Variants in USP9X observed in about 807,000 individuals in gnomAD.
USP9X encodes the protein ubiquitin specific peptidase 9 X-linked.
Under a neutral mutation model 190.3 loss-of-function variants are expected in USP9X, and 7 were observed. That is an observed-to-expected ratio of 0.04 (90% confidence interval 0.02 to 0.07). The LOEUF (loss-of-function observed/expected upper bound fraction) is 0.07, where lower values mean the gene tolerates loss of function less well. USP9X is among the 10% of genes least tolerant of loss of function. USP9X has a pLI of 1.00. For synonymous variants in USP9X, 645 were observed against 659.5 expected (o/e 0.98, Z 0.34); for missense variants, 1,010 against 1,916.9 (o/e 0.53, Z 8.83).
At chrX:41,147,232 T>C (rs1488023317) in intron 11 of USP9X, among the ~76,000 whole-genome samples, 1 of 109,796 alleles carries the variant, frequency 9.1e-6, no homozygotes, top group Non-Finnish European at 1.9e-5. Flanking sequence ...TGCTTTTCCT[T>C]GAGGAGGAAT....
chrX:41,211,964 T>TCAA (rs1163739094), intron 33 of USP9X, among the ~76,000 whole-genome samples: 1 of 113,040 alleles, frequency 8.8e-6, no homozygotes, highest in African/African-American at 3.2e-5. Flanking sequence ...GGAGGTGTAC[T>TCAA]CAACAGCTCA....
Position 41,129,004 on chromosome X carries a change from C to T in USP9X, c.101C>T (p.Ser34Leu), listed in dbSNP as rs2062282917. The stretch of plus-strand genomic sequence containing the variant: ...AATGTTTAATTTTTAATTAAGACTT[C>T]ATCGCCTGATTCTTCCAATGAAAAT... Reference protein sequence around the residue: ...SQPPLQQNQTSSPDSSNENSP... With the variant: ...SQPPLQQNQTLSPDSSNENSP... The change falls in exon 3 of 45, where the codon TCA becomes TTA. Residue 34 changes from serine to leucine, a missense_variant. Physicochemically the swap from Ser to Leu is moderately radical, Grantham distance 145. Transcript: ENST00000378308. The T allele has an allele frequency of 8.3e-7, 1 of 1,209,639 alleles. No individual in the cohort carries two copies. The highest frequency in any genetic ancestry group is 1.8e-5 in the South Asian group (1 of 56,575).
At chrX:41,109,376 A>T (rs1337416917) in intron 1 of USP9X, among the ~76,000 whole-genome samples, 6 of 112,053 alleles carry the variant, frequency 5.4e-5, no homozygotes, top group Non-Finnish European at 7.5e-5. Context: ...GCTGAAGTTT[A>T]TATGTATGTA....
chrX:41,151,230 T>A (rs867658636), intron 13 of USP9X, among the ~76,000 whole-genome samples, 173 bp downstream of exon 13: 8 of 106,199 alleles, frequency 7.5e-5, no homozygotes, highest in African/African-American at 2.1e-4. Context: ...CCTTTTTTTT[T>A]ATTAATGAGG....
chrX:41,197,352 C>CCCCCCGGGGG lies in USP9X; in HGVS notation c.4234-12_4234-11insCCCCCGGGGG. 7 of 988,124 alleles carry CCCCCCGGGGG rather than the reference C, an allele frequency of 7.1e-6. No individual in the cohort carries two copies. The highest frequency in any genetic ancestry group is 9.2e-6 in the Non-Finnish European group (7 of 759,307). 81.4% of individuals were successfully genotyped at this position (988,124 alleles called of 1,213,427 possible). On this transcript the variant is annotated splice_polypyrimidine_tract_variant and intron_variant, in intron 28 of 44. Transcript: ENST00000378308. ...TTCTTCCCCCCCCCACCCCACCCCC[C>CCCCCCGGGGG]GCCTTTGGCAGGATGATGTTAAAAG...
chrX:41,152,814 TAAA>T, intron 13 of USP9X, 131 bp from the exon 14 acceptor site: 1 of 604,291 alleles, frequency 1.7e-6, no homozygotes, highest in Non-Finnish European at 2.4e-6. Flanking sequence ...ATATTTTCAT[TAAA>T]AGAAGTAAAT....
chrX:41,200,064 A>G (rs999852124), intron 30 of USP9X, among the ~76,000 whole-genome samples: 1 of 112,217 alleles, frequency 8.9e-6, no homozygotes, highest in Non-Finnish European at 1.9e-5. Context: ...GATTATAGTA[A>G]ATCTTTAAGA....
At chrX:41,115,447 A>G (rs763409417) in intron 1 of USP9X, among the ~76,000 whole-genome samples, 3 of 111,886 alleles carry the variant, frequency 2.7e-5, no homozygotes, top group Non-Finnish European at 5.6e-5. Flanking sequence ...GGAATAGGCA[A>G]AATTCACAAG....
rs2061904682 is a variant in USP9X, at chrX:41,085,766, AGCAGGAGGAGGT to A, written c.-500_-489del. On this transcript the variant is annotated 5_prime_UTR_variant, in exon 1 of 45. Transcript: ENST00000378308. ...GTGAAGCCGTCGCTGCAGGAGGAGG[AGCAGGAGGAGGT>A]GACGCAGGAGAAACGCACCGCCCGG... The A allele has an allele frequency of 6.7e-6, 2 of 297,478 alleles. No homozygotes were observed. Among genetic ancestry groups the A allele is most frequent in the East Asian group, 4.8e-5 (1 of 20,990 alleles). 24.5% of individuals were successfully genotyped at this position (297,478 alleles called of 1,213,427 possible). A position where few individuals can be genotyped will look rare whatever the true frequency, so the allele number is the denominator to read the frequency against.
At chrX:41,169,176 T>G (rs1431209238) in intron 18 of USP9X, among the ~76,000 whole-genome samples, 2 of 110,207 alleles carry the variant, frequency 1.8e-5, no homozygotes, top group Non-Finnish European at 3.8e-5. Context: ...GGTCTACCTA[T>G]GTTGTCGAGG....
rs1447332918 is a variant in USP9X at position 41,234,321 on chromosome X, A to G, written c.*1797A>G. 1 of 112,031 alleles carries G rather than the reference A, an allele frequency of 8.9e-6. No individual in the cohort carries two copies. The highest frequency in any genetic ancestry group is 1.9e-5 in the Non-Finnish European group (1 of 53,210). 9.2% of individuals were successfully genotyped at this position (112,031 alleles called of 1,213,427 possible). ...TTTTTACAATTCAGTTAATAGGGAAATGTTTTGTCAAAAGGCTACACTTGG... is the reference window on the plus strand; with the variant it reads ...TTTTTACAATTCAGTTAATAGGGAAGTGTTTTGTCAAAAGGCTACACTTGG... On this transcript the variant is annotated 3_prime_UTR_variant, in exon 45 of 45. Transcript: ENST00000378308.
chrX:41,216,701 G>A, intron 35 of USP9X, 49 bp downstream of exon 35: 1 of 1,112,073 alleles, frequency 9.0e-7, no homozygotes, highest in Non-Finnish European at 1.2e-6. Flanking sequence ...ATAATTTATA[G>A]TAGGCGTCAA....
chrX:41,125,714 T>TCGCG (rs1433401816), intron 2 of USP9X, among the ~76,000 whole-genome samples: 3 of 102,988 alleles, frequency 2.9e-5, no homozygotes, highest in African/African-American at 1.1e-4. Flanking sequence ...TCTCTCTCTC[T>TCGCG]CTCTCGCGCA....
rs1222221449 is a variant in USP9X at position 41,166,146 on chromosome X, C to A, written c.2260C>A (p.Leu754Ile). ...AGCTGTGAATTGTCGAGAAGGAAAA[C>A]TAGTAGCAAAAAGGAGAGCCTATAT... ...FKAVNCREGKLVAKRRAYMMD... is the reference protein window; with the variant it reads ...FKAVNCREGKIVAKRRAYMMD... Residue 754 changes from leucine (L) to isoleucine (I), a missense_variant, in exon 16 of 45, where the codon CTA becomes ATA. Physicochemically the swap from Leu to Ile is conservative, Grantham distance 5. Coordinates refer to ENST00000378308, the MANE Select transcript of USP9X (RefSeq NM_001039591.3). The A allele has an allele frequency of 8.3e-7, 1 of 1,209,063 alleles. No individual in the cohort carries two copies. Among genetic ancestry groups the A allele is most frequent in the Admixed American group, 2.2e-5 (1 of 45,482 alleles).
chrX:41,107,539 C>T (rs897157176), intron 1 of USP9X, among the ~76,000 whole-genome samples: 3 of 112,173 alleles, frequency 2.7e-5, no homozygotes, highest in African/African-American at 6.5e-5. Flanking sequence ...TGGAATTTGT[C>T]GAACTTCCTG....
intron 2 of USP9X, among the ~76,000 whole-genome samples, chrX:41,125,684 A>ACACACACACACTCTCTCTCT: frequency 1.3e-3 from 25 of 19,009 alleles, no homozygotes; most frequent in South Asian, 3.7e-3. Context: ...ACACACACAC[A>ACACACACACACTCTCTCTCT]CTCTCTCTCT....
chrX:41,132,295 A>ATTTT (rs11356870), intron 4 of USP9X, among the ~76,000 whole-genome samples: 25 of 54,581 alleles, frequency 4.6e-4, no homozygotes, highest in African/African-American at 8.3e-4. Flanking sequence ...ATGCCCACTA[A>ATTTT]TTTTTTTTTT....
At chrX:41,110,565 C>G (rs1479471246) in intron 1 of USP9X, among the ~76,000 whole-genome samples, 1 of 111,666 alleles carries the variant, frequency 9.0e-6, no homozygotes, top group Non-Finnish European at 1.9e-5. Flanking sequence ...CTGTAGTCCT[C>G]TGTCCCAGTT....
In USP9X at chrX:41,229,407, C is replaced by A; in HGVS notation, c.7216C>A (p.Gln2406Lys). The part of the protein sequence containing the change: ...SNCPVAYQIL[Q>K]GNGDLKRKWT... ...CTGTCCTGTTGCTTACCAAATCCTG[C>A]AGGTGAGGATTTTTTTCTTATAATT... The change falls in exon 42 of 45, where the codon CAG becomes AAG. Residue 2406 changes from glutamine to lysine, a missense_variant and splice_region_variant. By Grantham distance (53) the Gln-to-Lys change is moderately conservative. Around this residue, in one of 11 missense-constraint regions of USP9X, gnomAD observed 20 missense variants for 59.3 expected, o/e 0.34. Coordinates refer to ENST00000378308, the MANE Select transcript of USP9X (RefSeq NM_001039591.3). The A allele has an allele frequency of 8.6e-7, 1 of 1,165,583 alleles. No homozygotes were observed. The highest frequency in any genetic ancestry group is 1.1e-6 in the Non-Finnish European group (1 of 876,408).
Sources: allele counts gnomAD v4.1 joint callset (sites outside exome capture counted in the v4.1 genomes callset), GRCh38; gene constraint gnomAD v4.1.1; regional missense constraint gnomAD v4.1.1; transcripts MANE v1.5; gene names NCBI Gene and HGNC (gene_info 2026-07-23, HGNC 2026-07-21).